The following UBE2G1 variants were observed in gnomAD, a reference collection of about 807,000 sequenced individuals.
UBE2G1 encodes ubiquitin-conjugating enzyme E2 G1.
In UBE2G1, 5 loss-of-function variants were observed where a neutral mutation model predicts 22.7. The observed-to-expected ratio is 0.22, with a 90% CI of 0.12 to 0.46. UBE2G1 has a LOEUF of 0.46. UBE2G1 is among the 20% of genes least tolerant of loss of function. The pLI, the probability that UBE2G1 is intolerant of heterozygous loss-of-function variation, is 0.99. For synonymous variants in UBE2G1, 74 were observed against 67.5 expected (o/e 1.10, Z -0.47); for missense variants, 88 against 203.9 (o/e 0.43, Z 3.46).
In UBE2G1 at chr17:4,298,611, C is replaced by A. The variant is rs1001890973; in HGVS notation, c.150-1797G>T. 1.6e-4 allele frequency among the ~76,000 whole-genome samples: 24 copies of A among 152,124 alleles called. No homozygotes were observed. In the East Asian group the frequency reaches 4.6e-3, roughly 29 times the overall value. On this transcript the variant is annotated intron_variant, in intron 2 of 5. Transcript: ENST00000396981. The stretch of plus-strand genomic sequence containing the variant: ...AATAATTAGGAAATGCCACAGGACT[C>A]AGAGTATAAAGTCAGTGACCTTGAT...
chr17:4,348,360 C>T (rs944620583), intron 1 of UBE2G1, among the ~76,000 whole-genome samples: 12 of 147,476 alleles, frequency 8.1e-5, no homozygotes, highest in African/African-American at 2.3e-4. Context: ...GAGACCATCC[C>T]GGCTAAAACG....
At chr17:4,358,990 T>A (rs2143830611) in intron 1 of UBE2G1, among the ~76,000 whole-genome samples, 1 of 151,918 alleles carries the variant, frequency 6.6e-6, no homozygotes, top group African/African-American at 2.4e-5. Flanking sequence ...GAAAAAGAAC[T>A]CTTTGCCTAG....
chr17:4,323,962 A>G (rs1969473475), intron 1 of UBE2G1, among the ~76,000 whole-genome samples: 1 of 152,214 alleles, frequency 6.6e-6, no homozygotes, highest in African/African-American at 2.4e-5. Flanking sequence ...AAGGATGATC[A>G]ATGGATGCTA....
At chr17:4,330,172 C>CAATTT (rs1969555153) in intron 1 of UBE2G1, among the ~76,000 whole-genome samples, 1 of 151,978 alleles carries the variant, frequency 6.6e-6, no homozygotes, top group Non-Finnish European at 1.5e-5. Context: ...AACAATTTAA[C>CAATTT]ACCATCTATA....
At chr17:4,346,431 C>CTTTTTTTT (rs67852481) in intron 1 of UBE2G1, among the ~76,000 whole-genome samples, 5 of 120,528 alleles carry the variant, frequency 4.1e-5, no homozygotes, top group African/African-American at 1.0e-4. Context: ...TTTTCTTCTT[C>CTTTTTTTT]TTTTTTTTTT....
intron 1 of UBE2G1, among the ~76,000 whole-genome samples, chr17:4,352,032 T>A (rs1969851319): frequency 6.6e-6 from 1 of 151,992 alleles, no homozygotes; most frequent in African/African-American, 2.4e-5. Flanking sequence ...TTCGAAAGGC[T>A]GAGGCGGGTG....
intron 1 of UBE2G1, among the ~76,000 whole-genome samples, chr17:4,343,356 C>T (rs1435082855): frequency 6.6e-6 from 1 of 151,986 alleles, no homozygotes; most frequent in African/African-American, 2.4e-5. Flanking sequence ...CTTTGGGAGG[C>T]CCAGGTGGGT....
Position 4,319,965 on chromosome 17 carries a change from T to TTATA in UBE2G1, c.47-12846_47-12843dup, listed in dbSNP as rs566358061. Among the ~76,000 whole-genome samples the TTATA allele has an allele frequency of 4.9e-3, 737 of 151,608 alleles. 5 individuals are homozygous for TTATA. Among genetic ancestry groups the TTATA allele is most frequent in the African/African-American group, 0.017 (716 of 41,414 alleles). On this transcript the variant is annotated intron_variant, in intron 1 of 5. Coordinates refer to ENST00000396981, the MANE Select transcript of UBE2G1 (RefSeq NM_003342.5). ...AAACCACCATGAATGCTATAAGCTT[T>TTATA]TATATATATATATTTAATAATATAT...
At chr17:4,290,877 C>G (rs1567516125) in intron 3 of UBE2G1, among the ~76,000 whole-genome samples, 1 of 150,294 alleles carries the variant, frequency 6.7e-6, no homozygotes, top group Non-Finnish European at 1.5e-5. Flanking sequence ...CGCTGGCCGA[C>G]AAATACTTTT....
intron 1 of UBE2G1, among the ~76,000 whole-genome samples, chr17:4,322,121 T>G (rs1969447378): frequency 6.6e-6 from 1 of 152,118 alleles, no homozygotes; most frequent in Non-Finnish European, 1.5e-5. Context: ...TCACATAAAA[T>G]GCACAAAGTT....
chr17:4,293,192 G>A (rs1969064425), intron 3 of UBE2G1, among the ~76,000 whole-genome samples: 1 of 151,924 alleles, frequency 6.6e-6, no homozygotes, highest in African/African-American at 2.4e-5. Flanking sequence ...CGGTCTCTAT[G>A]GATTTGTCTA....
chr17:4,292,417 C>G (rs1598182761), intron 3 of UBE2G1, among the ~76,000 whole-genome samples: 1 of 152,030 alleles, frequency 6.6e-6, no homozygotes, highest in Non-Finnish European at 1.5e-5. Flanking sequence ...TGAGGCCATG[C>G]ACCTAAAATT....
intron 1 of UBE2G1, among the ~76,000 whole-genome samples, chr17:4,352,803 G>A (rs1412381643): frequency 6.6e-6 from 1 of 152,134 alleles, no homozygotes; most frequent in Non-Finnish European, 1.5e-5. Flanking sequence ...GGCCGGGCAT[G>A]GTGGCTCACC....
intron 1 of UBE2G1, among the ~76,000 whole-genome samples, chr17:4,309,280 A>G (rs1969281418): frequency 6.6e-6 from 1 of 152,200 alleles, no homozygotes; most frequent in Admixed American, 6.5e-5. Context: ...TAAAAAATTT[A>G]TGTTTAAACA....
chr17:4,294,000 T>G (rs1401819847), intron 3 of UBE2G1, among the ~76,000 whole-genome samples: 2 of 152,248 alleles, frequency 1.3e-5, no homozygotes, highest in Non-Finnish European at 2.9e-5. Flanking sequence ...ATTACATAGC[T>G]TTTTTATTTT....
At chr17:4,280,999 G>A (rs1056926526) in intron 5 of UBE2G1, among the ~76,000 whole-genome samples, 1 of 152,038 alleles carries the variant, frequency 6.6e-6, no homozygotes, top group African/African-American at 2.4e-5. Context: ...AAACAATTTG[G>A]CATTATCTAC....
At chr17:4,321,922 A>T (rs780070326) in intron 1 of UBE2G1, among the ~76,000 whole-genome samples, 1 of 152,208 alleles carries the variant, frequency 6.6e-6, no homozygotes, top group Non-Finnish European at 1.5e-5. Flanking sequence ...AAAGTTTGAA[A>T]TTTGAAAATT....
At chr17:4,295,121 G>A (rs367684175) in intron 3 of UBE2G1, among the ~76,000 whole-genome samples, 6 of 152,220 alleles carry the variant, frequency 3.9e-5, no homozygotes, top group African/African-American at 1.2e-4. Context: ...CGAAATAGGT[G>A]CAAAACGATT....
chr17:4,273,169 C>A (rs1172864627), intron 5 of UBE2G1, among the ~76,000 whole-genome samples: 1 of 152,180 alleles, frequency 6.6e-6, no homozygotes, highest in Admixed American at 6.5e-5. Context: ...AAAAGCAGCA[C>A]CGCCTCATCG....
Sources: allele counts gnomAD v4.1 joint callset (sites outside exome capture counted in the v4.1 genomes callset), GRCh38; gene constraint gnomAD v4.1.1; transcripts MANE v1.5; gene names NCBI Gene and HGNC (gene_info 2026-07-23, HGNC 2026-07-21).